SLC4A4: variants seen among roughly 807,000 people sequenced by gnomAD.
SLC4A4 encodes electrogenic sodium bicarbonate cotransporter 1.
SLC4A4 carries 27 observed loss-of-function variants against 111.5 expected under a neutral mutation model. The observed-to-expected ratio is 0.24, with a 90% CI of 0.18 to 0.33. The LOEUF (loss-of-function observed/expected upper bound fraction) is 0.33, where lower values mean the gene tolerates loss of function less well. Among genes scored for constraint, SLC4A4 ranks in the 10% least tolerant of loss-of-function variants. The pLI is 1.00. For synonymous variants in SLC4A4, 443 were observed against 463.4 expected, an observed-to-expected ratio of 0.96 and a Z score of 0.57; for missense variants, 909 against 1,315.5, an observed-to-expected ratio of 0.69 and a Z score of 4.78.
Position 71,471,845 on chromosome 4 carries a change from G to A in SLC4A4, c.1632-854G>A, listed in dbSNP as rs1221240356. ...AGAAGTAGCCTATTCTAAGTCTGCT[G>A]TGGGACAAACACAGAAAGATGTTGG... On this transcript the variant is annotated intron_variant, in intron 13 of 25. Transcript: ENST00000264485. 5.9e-5 allele frequency among the ~76,000 whole-genome samples: 9 copies of A among 151,916 alleles called. No homozygotes were observed. The East Asian group carries it at 1.8e-3, about 30-fold the overall frequency.
At chr4:71,304,036 C>G (rs987326124) in intron 3 of SLC4A4, among the ~76,000 whole-genome samples, 1 of 152,118 alleles carries the variant, frequency 6.6e-6, no homozygotes, top group African/African-American at 2.4e-5. Flanking sequence ...AAACTTTGGC[C>G]TGATTCATAG....
At chr4:71,526,563 T>C (rs1482284499) in intron 16 of SLC4A4, among the ~76,000 whole-genome samples, 1 of 152,132 alleles carries the variant, frequency 6.6e-6, no homozygotes, top group African/African-American at 2.4e-5. Flanking sequence ...GTATTATGTA[T>C]ATACATCATA....
Position 71,275,094 on chromosome 4 carries a change from G to C in SLC4A4, c.253+19695G>C, listed in dbSNP as rs972227864. ...CCTAGGATGTTTTGCTTCCTTCCTT[G>C]ATTGAAAAAGTTTCTTTAAAAAATT... is the stretch of plus-strand genomic sequence containing the variant. On this transcript the variant is annotated intron_variant, in intron 3 of 25. Coordinates refer to ENST00000264485, the MANE Select transcript of SLC4A4 (RefSeq NM_001098484.3). Among the ~76,000 whole-genome samples the C allele has an allele frequency of 4.0e-5, 6 of 151,880 alleles. 1 individual carries two copies. Among genetic ancestry groups the C allele is most frequent in the African/African-American group, 1.5e-4 (6 of 41,294 alleles).
intron 7 of SLC4A4, among the ~76,000 whole-genome samples, chr4:71,431,691 T>G (rs1723658863): frequency 6.6e-6 from 1 of 151,916 alleles, no homozygotes; most frequent in Admixed American, 6.6e-5. Context: ...TAGCTATTGG[T>G]TTCTCTTAGC....
intron 1 of SLC4A4, among the ~76,000 whole-genome samples, chr4:71,198,152 A>G (rs955105049): frequency 1.3e-5 from 2 of 152,226 alleles, no homozygotes; most frequent in Admixed American, 1.3e-4. Context: ...TAAAGGTGAG[A>G]GAATATCATT....
chr4:71,514,428 G>A (rs1476160392), intron 16 of SLC4A4, among the ~76,000 whole-genome samples: 1 of 152,074 alleles, frequency 6.6e-6, no homozygotes, highest in African/African-American at 2.4e-5. Context: ...CATGCTTCCT[G>A]TACAGTCTGC....
chr4:71,454,665 A>G (rs766003983), intron 12 of SLC4A4, among the ~76,000 whole-genome samples: 8 of 152,148 alleles, frequency 5.3e-5, no homozygotes, highest in East Asian at 1.9e-4. Flanking sequence ...TATGGAGATT[A>G]TAACATCTAT....
chr4:71,233,289 C>A, intron 1 of SLC4A4: 1 of 985,348 alleles, frequency 1.0e-6, no homozygotes, highest in Non-Finnish European at 1.2e-6. Flanking sequence ...TGAATGCCTC[C>A]TCTGTGTCTG....
intron 2 of SLC4A4, 104 bp downstream of exon 2, chr4:71,236,753 C>A: frequency 3.2e-6 from 3 of 951,754 alleles, no homozygotes; most frequent in Non-Finnish European, 3.3e-6. Context: ...AATGAAACAC[C>A]AAACCTTTTC....
chr4:71,466,433 C>A lies in SLC4A4; in HGVS notation c.1498-11C>A, dbSNP rs558731252. The A allele has an allele frequency of 1.2e-5, 19 of 1,613,258 alleles. No individual in the cohort carries two copies. In the South Asian group the frequency reaches 1.2e-4, roughly 10 times the overall value. The stretch of plus-strand genomic sequence containing the variant: ...GTGTTTCATTTAACATCTATATTTT[C>A]TTTATTTTAGGGCGTGTTGGAGAGT... On this transcript the variant is annotated splice_polypyrimidine_tract_variant and intron_variant, in intron 12 of 25. Coordinates refer to ENST00000264485, the MANE Select transcript of SLC4A4 (RefSeq NM_001098484.3).
intron 1 of SLC4A4, among the ~76,000 whole-genome samples, chr4:71,074,423 A>G (rs1741753593): frequency 6.6e-6 from 1 of 152,366 alleles, no homozygotes; most frequent in Admixed American, 6.5e-5. Flanking sequence ...GGAGAAATTG[A>G]GTTCCACAAA....
At chr4:71,518,046 G>A (rs529293214) in intron 16 of SLC4A4, among the ~76,000 whole-genome samples, 2 of 152,300 alleles carry the variant, frequency 1.3e-5, no homozygotes, top group South Asian at 4.1e-4. Context: ...AGTGGGGTGG[G>A]TGTGGACCCT....
chr4:71,278,954 CAAAT>C (rs1004478838), intron 3 of SLC4A4, among the ~76,000 whole-genome samples: 4 of 152,048 alleles, frequency 2.6e-5, no homozygotes, highest in African/African-American at 9.6e-5. Context: ...GTATAATTGA[CAAAT>C]AAAAGCTGTA....
intron 2 of SLC4A4, among the ~76,000 whole-genome samples, chr4:71,179,880 G>A (rs1255963726): frequency 6.6e-6 from 1 of 152,128 alleles, no homozygotes; most frequent in African/African-American, 2.4e-5. Context: ...CAAAAAAAGA[G>A]CCCACATTGC....
chr4:71,414,661 T>C (rs62302841), intron 7 of SLC4A4, among the ~76,000 whole-genome samples: 3,936 of 152,300 alleles, frequency 0.026, 79 homozygotes, highest in Non-Finnish European at 0.042. Context: ...CCTGAAACTA[T>C]ATTTTTTATT....
At chr4:71,542,050 C>T (rs915298759) in intron 18 of SLC4A4, among the ~76,000 whole-genome samples, 4 of 152,000 alleles carry the variant, frequency 2.6e-5, no homozygotes, top group Non-Finnish European at 4.4e-5. Context: ...GAAACAACTT[C>T]TCTGACATAA....
chr4:71,410,748 G>T (rs1017191336), intron 7 of SLC4A4, among the ~76,000 whole-genome samples: 1 of 151,962 alleles, frequency 6.6e-6, no homozygotes, highest in Non-Finnish European at 1.5e-5. Context: ...GGTTTTTTTG[G>T]TTTTTGTTTT....
chr4:71,150,440 C>A (rs938504216), intron 2 of SLC4A4, among the ~76,000 whole-genome samples: 1 of 152,110 alleles, frequency 6.6e-6, no homozygotes, highest in Non-Finnish European at 1.5e-5. Flanking sequence ...TGTAAATATC[C>A]TGATTCCCTC....
chr4:71,144,953 T>G (rs1356883399), intron 2 of SLC4A4, among the ~76,000 whole-genome samples: 5 of 152,080 alleles, frequency 3.3e-5, no homozygotes, highest in Admixed American at 2.0e-4. Flanking sequence ...TTCTCCTGCC[T>G]GATTGCCCTG....
Sources: allele counts gnomAD v4.1 joint callset (sites outside exome capture counted in the v4.1 genomes callset), GRCh38; gene constraint gnomAD v4.1.1; transcripts MANE v1.5; gene names NCBI Gene and HGNC (gene_info 2026-07-23, HGNC 2026-07-21).